MMP15: variants seen among roughly 807,000 people sequenced by gnomAD.
The protein encoded by MMP15 is matrix metalloproteinase-15.
Under a neutral mutation model 65.0 loss-of-function variants are expected in MMP15, and 36 were observed. That is an observed-to-expected ratio of 0.55 (90% confidence interval 0.42 to 0.73). MMP15 has a LOEUF of 0.73. Among genes scored for constraint, MMP15 ranks in the 30% least tolerant of loss-of-function variants. MMP15 has a pLI of 0.00. For missense variants in MMP15, 870 were observed against 987.8 expected, an observed-to-expected ratio of 0.88 and a Z score of 1.60; for synonymous variants, 428 against 410.2, an observed-to-expected ratio of 1.04 and a Z score of -0.52.
At chr16:58,040,356 G>T (rs1959426936) in intron 4 of MMP15, among the ~76,000 whole-genome samples, 174 bp downstream of exon 4, 1 of 152,226 alleles carries the variant, frequency 6.6e-6, no homozygotes, top group Admixed American at 6.5e-5. Flanking sequence ...CCAAGGGGAG[G>T]CGAGAAAGGA....
In MMP15 at chr16:58,043,712, C is replaced by T. The variant is rs1959500552; in HGVS notation, c.1570+85C>T. The T allele has an allele frequency of 1.0e-5, 10 of 996,158 alleles. No homozygotes were observed. In the South Asian group the frequency reaches 1.6e-4, roughly 16 times the overall value. 61.7% of individuals were successfully genotyped at this position (996,158 alleles called of 1,614,324 possible). Reference sequence around the variant, plus strand: ...CAGGGCAGGGCTTGCCCAAGGTCACCCGGCACTGTGATGGTGTGTATGGGT... The same window carrying T: ...CAGGGCAGGGCTTGCCCAAGGTCACTCGGCACTGTGATGGTGTGTATGGGT... On this transcript the variant is annotated intron_variant, in intron 9 of 9. Coordinates refer to ENST00000219271, the MANE Select transcript of MMP15 (RefSeq NM_002428.4).
At chr16:58,026,784 C>T (rs1963823467) in intron 1 of MMP15, among the ~76,000 whole-genome samples, 1 of 152,246 alleles carries the variant, frequency 6.6e-6, no homozygotes, top group African/African-American at 2.4e-5. Context: ...CCCCGACCCC[C>T]TTACATTCAG....
chr16:58,042,929 C>T (rs1190505837), intron 7 of MMP15, among the ~76,000 whole-genome samples: 2 of 152,186 alleles, frequency 1.3e-5, no homozygotes, highest in Non-Finnish European at 2.9e-5. Flanking sequence ...CCTCCCCATA[C>T]AAGAACTATA....
At chr16:58,035,601 G>GTCCT (rs1567429442) in intron 1 of MMP15, among the ~76,000 whole-genome samples, 1 of 152,198 alleles carries the variant, frequency 6.6e-6, no homozygotes, top group Admixed American at 6.5e-5. Flanking sequence ...GATGAGGCAG[G>GTCCT]TCCTGGTGCA....
rs1196219336 is a variant in MMP15 at position 58,045,714 on chromosome 16, C to T, written c.*268C>T. 6 of 468,956 alleles carry T rather than the reference C, an allele frequency of 1.3e-5. No homozygotes were observed. Among genetic ancestry groups the T allele is most frequent in the Non-Finnish European group, 2.3e-5 (6 of 266,652 alleles). The allele number at this position is 468,956 out of a possible 1,614,324, so 29.0% of individuals were successfully genotyped here. On this transcript the variant is annotated 3_prime_UTR_variant, in exon 10 of 10. Transcript: ENST00000219271. ...AGACAGGGAATTAGGCCCCCATCAT[C>T]CTCTGGCTTGGCCACAGCCAGGGGA... is the stretch of plus-strand genomic sequence containing the variant.
At chr16:58,043,443 T>G (rs1959494395) in intron 8 of MMP15, 69 bp from the exon 9 acceptor site, 4 of 1,597,280 alleles carry the variant, frequency 2.5e-6, no homozygotes, top group African/African-American at 1.3e-5. Context: ...AAGAATCCAC[T>G]GCCTGTGGGG....
chr16:58,039,278 C>T (rs1959398734), intron 3 of MMP15, among the ~76,000 whole-genome samples: 1 of 152,206 alleles, frequency 6.6e-6, no homozygotes, highest in Non-Finnish European at 1.5e-5. Flanking sequence ...ACTAAAAATA[C>T]AAAATTAGCC....
At position 58,037,548 on chromosome 16, in the gene MMP15, C is replaced by T. The variant is rs759067050; in HGVS notation, c.239C>T (p.Ala80Val). 11 of 1,614,100 alleles carry T rather than the reference C, an allele frequency of 6.8e-6. No homozygotes were observed. Among genetic ancestry groups the T allele is most frequent in the Non-Finnish European group, 8.5e-6 (10 of 1,180,048 alleles). The change falls in exon 2 of 10, where the codon GCC becomes GTC. Residue 80 changes from alanine to valine, a missense_variant. Ala to Val is a moderately conservative substitution (Grantham distance 64). Coordinates refer to ENST00000219271, the MANE Select transcript of MMP15 (RefSeq NM_002428.4). ...MSTMRSAQIL[A>V]SALAEMQRFY... ...ACCATGCGTTCCGCCCAGATCTTGG[C>T]CTCGGCCCTTGCAGAGATGCAGCGC...
chr16:58,031,404 G>A (rs1357759155), intron 1 of MMP15, among the ~76,000 whole-genome samples: 1 of 151,816 alleles, frequency 6.6e-6, no homozygotes, highest in Non-Finnish European at 1.5e-5. Flanking sequence ...ACCCAGCCTT[G>A]CCCCCATCTG....
At chr16:58,040,905 G>A (rs550809268) in intron 5 of MMP15, 23 of 726,934 alleles carry the variant, frequency 3.2e-5, no homozygotes, top group African/African-American at 1.0e-4. Context: ...GGCCTCACTC[G>A]AGGCTGTGGC....
chr16:58,046,249 G>A lies in MMP15; in HGVS notation c.*803G>A, dbSNP rs1959562696. 1 of 153,022 alleles carries A rather than the reference G, an allele frequency of 6.5e-6. No individual in the cohort carries two copies. Among genetic ancestry groups the A allele is most frequent in the Non-Finnish European group, 1.5e-5 (1 of 68,306 alleles). The allele number at this position is 153,022 out of a possible 1,614,324, so 9.5% of individuals were successfully genotyped here. ...CTAGAACCCTCTGTTCCTTCCCTGT[G>A]CCTCCTCCCTCCCTCTCCGACTCAC... On this transcript the variant is annotated 3_prime_UTR_variant, in exon 10 of 10. Coordinates refer to ENST00000219271, the MANE Select transcript of MMP15 (RefSeq NM_002428.4).
At position 58,037,609 on chromosome 16, in the gene MMP15, A is replaced by C; in HGVS notation, c.300A>C (p.Glu100Asp). 2 of 1,614,172 alleles carry C rather than the reference A, an allele frequency of 1.2e-6. No homozygotes were observed. The highest frequency in any genetic ancestry group is 1.1e-5 in the South Asian group (1 of 91,088). The change falls in exon 2 of 10, where the codon GAA (glutamate) becomes GAC (aspartate). Residue 100 changes from glutamate to aspartate, a missense_variant. Physicochemically the swap from Glu to Asp is conservative, Grantham distance 45. Transcript: ENST00000219271. Reference protein sequence around the residue: ...YGIPVTGVLDEETKEWMKRPR... With the variant: ...YGIPVTGVLDDETKEWMKRPR... ...TCCCAGTCACCGGTGTGCTCGACGA[A>C]GAGACCAAGGAGTGAGTTCCCCCCA...
At position 58,026,485 on chromosome 16, in the gene MMP15, G is replaced by T; in HGVS notation, c.135G>T (p.Ala45=). ...VLLGCLGLGV[A]AEDAEVHAEN... ...TGGGCTGCCTGGGCCTTGGCGTAGC[G>T]GCCGAAGACGCGGAGGTCCATGCCG... is the stretch of plus-strand genomic sequence containing the variant. The change falls in exon 1 of 10, where the codon GCG becomes GCT. Residue 45 remains alanine, a synonymous_variant. Transcript: ENST00000219271. 1 of 1,388,976 alleles carries T rather than the reference G, an allele frequency of 7.2e-7. No homozygotes were observed. Among genetic ancestry groups the T allele is most frequent in the South Asian group, 1.6e-5 (1 of 64,170 alleles). The allele number at this position is 1,388,976 out of a possible 1,614,324, so 86.0% of individuals were successfully genotyped here. A position where few individuals can be genotyped will look rare whatever the true frequency, so the allele number is the denominator to read the frequency against.
intron 1 of MMP15, among the ~76,000 whole-genome samples, chr16:58,033,053 C>A (rs1351090411): frequency 1.3e-5 from 2 of 152,124 alleles, no homozygotes; most frequent in African/African-American, 4.8e-5. Context: ...CCCCCTCCCC[C>A]ACCCCACTCC....
At chr16:58,029,857 A>G (rs1476045482) in intron 1 of MMP15, among the ~76,000 whole-genome samples, 3 of 151,996 alleles carry the variant, frequency 2.0e-5, no homozygotes, top group Non-Finnish European at 4.4e-5. Flanking sequence ...GCCCACTGCT[A>G]TCTCTTATGC....
chr16:58,043,050 A>G (rs1959485662), intron 7 of MMP15, among the ~76,000 whole-genome samples, 160 bp from the exon 8 acceptor site: 3 of 152,082 alleles, frequency 2.0e-5, no homozygotes, highest in African/African-American at 7.2e-5. Context: ...TCAGGTATCC[A>G]TGAGTGCAGC....
Position 58,026,304 on chromosome 16 carries a change from C to T in MMP15, c.-47C>T, listed in dbSNP as rs1963812864. The T allele has an allele frequency of 1.6e-6, 2 of 1,250,796 alleles. No homozygotes were observed. The highest frequency in any genetic ancestry group is 4.2e-5 in the Admixed American group (1 of 23,598). 77.5% of individuals were successfully genotyped at this position (1,250,796 alleles called of 1,614,324 possible). On this transcript the variant is annotated 5_prime_UTR_variant, in exon 1 of 10. Transcript: ENST00000219271. The stretch of plus-strand genomic sequence containing the variant: ...GCGTCGCAAGTTTCCAAGGCGCGTG[C>T]GAGGATCCGGCGTGCAGTGTTCCGA...
intron 1 of MMP15, among the ~76,000 whole-genome samples, chr16:58,027,676 C>T (rs1963841746): frequency 1.3e-5 from 2 of 152,186 alleles, no homozygotes; most frequent in Non-Finnish European, 2.9e-5. Context: ...TTGCCCTTCC[C>T]CGCCCTACTT....
At chr16:58,026,687 C>A (rs1963820468) in intron 1 of MMP15, among the ~76,000 whole-genome samples, 175 bp downstream of exon 1, 2 of 152,212 alleles carry the variant, frequency 1.3e-5, no homozygotes, top group South Asian at 4.1e-4. Context: ...CCCTCTGCAG[C>A]GCACCTCTTC....
Sources: gnomAD v4.1 joint callset for allele counts (sites outside exome capture counted in the v4.1 genomes callset) on GRCh38, gnomAD v4.1.1 for gene constraint, MANE v1.5 for transcripts, NCBI Gene and HGNC (gene_info 2026-07-23, HGNC 2026-07-21) for gene names.